The following CNOT1 variants were observed in gnomAD, a reference collection of about 807,000 sequenced individuals.
CNOT1 encodes CCR4-NOT transcription complex subunit 1.
CNOT1 carries 15 observed loss-of-function variants against 273.8 expected under a neutral mutation model. The ratio of observed to expected loss-of-function variants is 0.05; its 90% CI spans 0.04 to 0.08. CNOT1 has a LOEUF of 0.08. Among genes scored for constraint, CNOT1 ranks in the 10% least tolerant of loss-of-function variants. The pLI is 1.00. For missense variants in CNOT1, 1,644 were observed against 2,912.2 expected (o/e 0.56, Z 10.02); for synonymous variants, 1,022 against 1,005.5 (o/e 1.02, Z -0.31).
intron 1 of CNOT1, among the ~76,000 whole-genome samples, chr16:58,620,619 A>G (rs1462450195): frequency 7.0e-6 from 1 of 142,014 alleles, no homozygotes; most frequent in Non-Finnish European, 1.5e-5. Context: ...ACTACATTCC[A>G]GCCTGGGTGA....
chr16:58,522,508 C>CTATT (rs111540457), intron 47 of CNOT1, among the ~76,000 whole-genome samples: 99,522 of 151,622 alleles, frequency 0.66, 33,929 homozygotes, highest in East Asian at 0.97. Flanking sequence ...CCATAGGTGA[C>CTATT]TAATTAGGCA....
At chr16:58,595,284 C>T (rs1471702019) in intron 2 of CNOT1, among the ~76,000 whole-genome samples, 1 of 152,028 alleles carries the variant, frequency 6.6e-6, no homozygotes, top group South Asian at 2.1e-4. Context: ...TAATCCATTT[C>T]ATTCAATAAT....
chr16:58,564,097 T>C (rs1240871329), intron 16 of CNOT1, among the ~76,000 whole-genome samples: 2 of 152,178 alleles, frequency 1.3e-5, no homozygotes, highest in African/African-American at 4.8e-5. Context: ...AAGAAGCAAG[T>C]TGCATATTAT....
At position 58,532,330 on chromosome 16, in the gene CNOT1, T is replaced by C; in HGVS notation, c.5961A>G (p.Gln1987=). The C allele has an allele frequency of 3.1e-6, 5 of 1,614,118 alleles. No homozygotes were observed. Among genetic ancestry groups the C allele is most frequent in the Non-Finnish European group, 4.2e-6 (5 of 1,180,020 alleles). ...TGATAAAAATTCGATGGTAGGGAAG[T>C]TGCTGAAATTCACTCTGACGAACAT... ...DHDVRQSEFQ[Q]LPYHRIFIML... Residue 1987 remains glutamine (Q), a synonymous_variant, in exon 41 of 49, where the codon CAA becomes CAG. Coordinates refer to ENST00000317147, the MANE Select transcript of CNOT1 (RefSeq NM_016284.5).
intron 1 of CNOT1, among the ~76,000 whole-genome samples, chr16:58,628,017 G>A (rs893927196): frequency 2.0e-5 from 3 of 152,000 alleles, no homozygotes; most frequent in Admixed American, 1.3e-4. Flanking sequence ...TAGTAGAGAC[G>A]CGGTTGTGAC....
intron 16 of CNOT1, among the ~76,000 whole-genome samples, chr16:58,573,519 C>T (rs1224313997): frequency 1.5e-5 from 2 of 134,750 alleles, no homozygotes; most frequent in East Asian, 2.2e-4. Context: ...CTCGCTCTGT[C>T]GCCCAGGCTG....
At chr16:58,568,155 T>A (rs1206361311) in intron 16 of CNOT1, among the ~76,000 whole-genome samples, 2 of 151,458 alleles carry the variant, frequency 1.3e-5, no homozygotes, top group Non-Finnish European at 2.9e-5. Flanking sequence ...TCACCTGAGG[T>A]CGGGAGTTTG....
At chr16:58,623,832 T>A (rs955178761) in intron 1 of CNOT1, among the ~76,000 whole-genome samples, 1 of 151,622 alleles carries the variant, frequency 6.6e-6, no homozygotes, top group African/African-American at 2.4e-5. Flanking sequence ...CTACCAAAAA[T>A]ATAAAAAATT....
At chr16:58,603,407 A>ATGTGTGTGTGTGTGTG (rs2042543737) in intron 1 of CNOT1, among the ~76,000 whole-genome samples, 1 of 126,292 alleles carries the variant, frequency 7.9e-6, no homozygotes, top group South Asian at 2.9e-4. Context: ...TACAATTTAA[A>ATGTGTGTGTGTGTGTG]AGTGTGTGTG....
intron 1 of CNOT1, among the ~76,000 whole-genome samples, chr16:58,601,262 T>C (rs2042452173): frequency 1.3e-5 from 2 of 152,172 alleles, no homozygotes; most frequent in African/African-American, 4.8e-5. Context: ...ACATCCTGGC[T>C]AGTTTTTGTA....
chr16:58,546,540 C>T (rs752864834), intron 28 of CNOT1, 42 bp from the exon 29 acceptor site: 1 of 1,600,594 alleles, frequency 6.2e-7, no homozygotes. Flanking sequence ...TAAAAGAAAA[C>T]TTTAGTTTTA....
intron 44 of CNOT1, among the ~76,000 whole-genome samples, chr16:58,527,386 G>C (rs1173645328): frequency 6.6e-6 from 1 of 151,118 alleles, no homozygotes; most frequent in Non-Finnish European, 1.5e-5. Context: ...AATTAGCCAG[G>C]CATGGTGGCG....
At chr16:58,533,909 C>A (rs888764022) in intron 40 of CNOT1, among the ~76,000 whole-genome samples, 2 of 152,008 alleles carry the variant, frequency 1.3e-5, no homozygotes, top group Non-Finnish European at 2.9e-5. Flanking sequence ...GCAGGTGGAT[C>A]ACTCGAGGCC....
chr16:58,555,334 T>C lies in CNOT1; in HGVS notation c.2808A>G (p.Arg936=). The change falls in exon 21 of 49, where the codon CGA becomes CGG. Residue 936 remains arginine, a synonymous_variant. Coordinates refer to ENST00000317147, the MANE Select transcript of CNOT1 (RefSeq NM_016284.5). ...GCTTGCGTAAGGCTTCAAGAACATATCGTAGAGCCAGACCTAGTGCCATGT... is the reference window on the plus strand; with the variant it reads ...GCTTGCGTAAGGCTTCAAGAACATACCGTAGAGCCAGACCTAGTGCCATGT... ...VTYMALGLAL[R]YVLEALRKPF... is the part of the protein sequence containing the mutation. 1 of 1,614,160 alleles carries C rather than the reference T, an allele frequency of 6.2e-7. No individual in the cohort carries two copies. Among genetic ancestry groups the C allele is most frequent in the South Asian group, 1.1e-5 (1 of 91,086 alleles).
intron 1 of CNOT1, among the ~76,000 whole-genome samples, chr16:58,625,189 C>T (rs2043511210): frequency 6.6e-6 from 1 of 151,756 alleles, no homozygotes; most frequent in Non-Finnish European, 1.5e-5. Flanking sequence ...AGTTCAAGAC[C>T]AGATGGCCAA....
At chr16:58,530,070 TACAA>T (rs995448998) in intron 43 of CNOT1, among the ~76,000 whole-genome samples, 172 bp downstream of exon 43, 1 of 152,144 alleles carries the variant, frequency 6.6e-6, no homozygotes, top group African/African-American at 2.4e-5. Flanking sequence ...GTTGAACATA[TACAA>T]ACACTGTACA....
chr16:58,586,182 G>A (rs1299531463), intron 7 of CNOT1, among the ~76,000 whole-genome samples: 1 of 127,918 alleles, frequency 7.8e-6, no homozygotes, highest in Non-Finnish European at 1.6e-5. Context: ...AAAGTGCTGG[G>A]ATTATTGGCC....
intron 1 of CNOT1, among the ~76,000 whole-genome samples, chr16:58,628,693 A>C (rs1451490044): frequency 6.6e-6 from 1 of 152,204 alleles, no homozygotes; most frequent in Non-Finnish European, 1.5e-5. Flanking sequence ...TTCAGGAAGA[A>C]AACAGACTTT....
At chr16:58,588,276 G>C (rs1314610628) in intron 3 of CNOT1, among the ~76,000 whole-genome samples, 1 of 151,910 alleles carries the variant, frequency 6.6e-6, no homozygotes, top group African/African-American at 2.4e-5. Context: ...TGACGAGAGA[G>C]AGACTCTGTC....
Sources: gnomAD v4.1 joint callset for allele counts (sites outside exome capture counted in the v4.1 genomes callset) on GRCh38, gnomAD v4.1.1 for gene constraint, MANE v1.5 for transcripts, NCBI Gene and HGNC (gene_info 2026-07-23, HGNC 2026-07-21) for gene names.